UGT1A8: variants seen among roughly 807,000 people sequenced by gnomAD.
UGT1A8 encodes the protein UDP-glucuronosyltransferase 1A8.
Under a neutral mutation model 45.3 loss-of-function variants are expected in UGT1A8, and 39 were observed. The ratio of observed to expected loss-of-function variants is 0.86; its 90% CI spans 0.67 to 1.12. The LOEUF (loss-of-function observed/expected upper bound fraction) is 1.12. UGT1A8 is among the 50% of genes most tolerant of loss of function. The probability of loss-of-function intolerance (pLI) is 0.00; values close to 1 mark genes in which losing one functional copy is unlikely to be tolerated. For synonymous variants in UGT1A8, 275 were observed against 249.2 expected, an observed-to-expected ratio of 1.10 and a Z score of -0.97; for missense variants, 719 against 664.9, an observed-to-expected ratio of 1.08 and a Z score of -0.90.
chr2:233,707,201 CCTTTCCAT>C (rs2075948613), intron 1 of UGT1A8, among the ~76,000 whole-genome samples: 1 of 152,062 alleles, frequency 6.6e-6, no homozygotes, highest in South Asian at 2.1e-4. Flanking sequence ...CGTTCTATTC[CCTTTCCAT>C]CTTTTCTCTG....
chr2:233,755,076 T>C (rs28900391), intron 1 of UGT1A8: 18,622 of 1,334,942 alleles, frequency 0.014, 367 homozygotes, highest in South Asian at 0.045. Context: ...ATAGCGGTCA[T>C]AGATATCGCG....
chr2:233,710,242 G>A (rs2076122123), intron 1 of UGT1A8, among the ~76,000 whole-genome samples: 2 of 152,288 alleles, frequency 1.3e-5, no homozygotes, highest in South Asian at 2.1e-4. Context: ...ATTCGAGTAC[G>A]AGTGTTTCTG....
At chr2:233,747,315 A>G (rs1575682403) in intron 1 of UGT1A8, 17 of 1,603,040 alleles carry the variant, frequency 1.1e-5, no homozygotes, top group Admixed American at 6.7e-5. Flanking sequence ...TGCTGGTGGT[A>G]CCCATTGATG....
At chr2:233,755,268 A>G (rs983713744) in intron 1 of UGT1A8, 4 of 766,442 alleles carry the variant, frequency 5.2e-6, no homozygotes, top group Non-Finnish European at 5.9e-6. Context: ...GTAGTCCACT[A>G]TGCTGGACTG....
intron 1 of UGT1A8, among the ~76,000 whole-genome samples, chr2:233,756,964 A>T (rs1482766015): frequency 6.6e-6 from 1 of 152,056 alleles, no homozygotes; most frequent in African/African-American, 2.4e-5. Flanking sequence ...GGCACTTGGT[A>T]AGCACGCAAT....
At chr2:233,672,253 T>C (rs2125501811) in intron 1 of UGT1A8, 1 of 1,614,200 alleles carries the variant, frequency 6.2e-7, no homozygotes, top group Middle Eastern at 1.6e-4. Flanking sequence ...AAGTATATAT[T>C]CTCTATTAAT....
At chr2:233,618,695 T>G in intron 1 of UGT1A8, 133 bp downstream of exon 1, 1 of 1,492,942 alleles carries the variant, frequency 6.7e-7, no homozygotes. Flanking sequence ...CAGATTATTT[T>G]GTGCCAATTT....
chr2:233,720,908 G>A (rs900265154), intron 1 of UGT1A8, among the ~76,000 whole-genome samples: 18 of 140,522 alleles, frequency 1.3e-4, no homozygotes, highest in African/African-American at 3.0e-4. Context: ...ATGAGGTTTC[G>A]CAATGTTAGC....
At chr2:233,672,375 C>G (rs200266032) in intron 1 of UGT1A8, 4 of 1,613,944 alleles carry the variant, frequency 2.5e-6, no homozygotes, top group South Asian at 2.2e-5. Context: ...CAGTGTTTCT[C>G]GATCCTTTTG....
At chr2:233,620,837 A>T (rs935222822) in intron 1 of UGT1A8, among the ~76,000 whole-genome samples, 3 of 152,204 alleles carry the variant, frequency 2.0e-5, no homozygotes, top group Non-Finnish European at 4.4e-5. Flanking sequence ...CTTGTTTCAG[A>T]TGCCAGGATA....
intron 1 of UGT1A8, among the ~76,000 whole-genome samples, chr2:233,652,375 G>T (rs1195466256): frequency 6.6e-6 from 1 of 152,000 alleles, no homozygotes; most frequent in Non-Finnish European, 1.5e-5. Flanking sequence ...TTATTATACT[G>T]ATTCATGTAT....
chr2:233,730,105 C>G, intron 1 of UGT1A8: 1 of 1,574,650 alleles, frequency 6.4e-7, no homozygotes, highest in Non-Finnish European at 8.6e-7. Context: ...TATTTCATTT[C>G]TGCTTCTCCT....
At chr2:233,643,033 C>T (rs1394428459) in intron 1 of UGT1A8, among the ~76,000 whole-genome samples, 1 of 152,200 alleles carries the variant, frequency 6.6e-6, no homozygotes, top group African/African-American at 2.4e-5. Context: ...TCACCCAAGG[C>T]CTGCTGTAAC....
chr2:233,747,565 A>G, intron 1 of UGT1A8: 1 of 1,593,778 alleles, frequency 6.3e-7, no homozygotes, highest in Non-Finnish European at 8.6e-7. Flanking sequence ...GCAATTTTGA[A>G]AAATTCATCT....
intron 1 of UGT1A8, among the ~76,000 whole-genome samples, chr2:233,628,101 G>T (rs923475240): frequency 6.6e-6 from 1 of 152,046 alleles, no homozygotes; most frequent in Non-Finnish European, 1.5e-5. Context: ...ATTTTATGCA[G>T]TTAAGATTTA....
chr2:233,691,348 C>T (rs1559344873), intron 1 of UGT1A8: 1 of 985,528 alleles, frequency 1.0e-6, no homozygotes, highest in Non-Finnish European at 1.2e-6. Context: ...TCTTCGCATG[C>T]CTTGAACAAT....
chr2:233,645,653 A>G (rs1431592396), intron 1 of UGT1A8, among the ~76,000 whole-genome samples: 2 of 152,112 alleles, frequency 1.3e-5, no homozygotes, highest in South Asian at 2.1e-4. Context: ...CTCCAAAATG[A>G]TCTCCTTTGA....
At chr2:233,623,016 GT>G (rs1034368727) in intron 1 of UGT1A8, among the ~76,000 whole-genome samples, 15 of 152,122 alleles carry the variant, frequency 9.9e-5, no homozygotes, top group Non-Finnish European at 2.2e-4. Flanking sequence ...TGTCAGGTTT[GT>G]CAAAGATCAG....
At chr2:233,709,223 G>A (rs546469798) in intron 1 of UGT1A8, among the ~76,000 whole-genome samples, 3 of 152,258 alleles carry the variant, frequency 2.0e-5, no homozygotes, top group Non-Finnish European at 4.4e-5. Flanking sequence ...TGAGAGTTTG[G>A]GGGAGGGGTG....
Sources: gnomAD v4.1 joint callset for allele counts (sites outside exome capture counted in the v4.1 genomes callset) on GRCh38, gnomAD v4.1.1 for gene constraint, MANE v1.5 for transcripts, NCBI Gene and HGNC (gene_info 2026-07-23, HGNC 2026-07-21) for gene names.